Variants in CATSPERE observed in about 807,000 individuals in gnomAD.
CATSPERE encodes the protein catsper channel auxiliary subunit epsilon, also known as cation channel sperm-associated auxiliary subunit epsilon.
A neutral mutation model predicts 114.1 loss-of-function variants in CATSPERE; 93 were observed. The observed-to-expected ratio is 0.81, with a 90% CI of 0.69 to 0.97. CATSPERE has a LOEUF of 0.97. CATSPERE is among the 50% of genes least tolerant of loss of function. The probability of loss-of-function intolerance (pLI) is 0.00; values close to 1 mark genes in which losing one functional copy is unlikely to be tolerated. For missense variants in CATSPERE, 1,058 were observed against 1,131.6 expected, an observed-to-expected ratio of 0.93 and a Z score of 0.93; for synonymous variants, 341 against 384.1, an observed-to-expected ratio of 0.89 and a Z score of 1.31.
intron 11 of CATSPERE, among the ~76,000 whole-genome samples, chr1:244,576,746 C>T (rs967858713): frequency 6.6e-6 from 1 of 152,186 alleles, no homozygotes; most frequent in Admixed American, 6.5e-5. Flanking sequence ...CCCCACCTTC[C>T]ATTTCTAGGC....
chr1:244,556,757 TTTTC>T (rs768604929), intron 9 of CATSPERE, among the ~76,000 whole-genome samples: 36 of 152,326 alleles, frequency 2.4e-4, no homozygotes, highest in African/African-American at 3.8e-4. Context: ...TCTTTTTTCC[TTTTC>T]TTTCTCTTTT....
At chr1:244,532,672 A>T (rs1407711422) in intron 8 of CATSPERE, among the ~76,000 whole-genome samples, 1 of 147,492 alleles carries the variant, frequency 6.8e-6, no homozygotes, top group African/African-American at 2.7e-5. Context: ...ATAGTTATCA[A>T]AATTCCTCTT....
intron 11 of CATSPERE, among the ~76,000 whole-genome samples, chr1:244,577,209 C>CA (rs997055341): frequency 1.6e-4 from 25 of 151,544 alleles, no homozygotes; most frequent in Admixed American, 1.3e-4. Context: ...CAAAATTTTC[C>CA]AAAAAAGTCA....
At chr1:244,604,533 T>C (rs1243063975) in intron 17 of CATSPERE, among the ~76,000 whole-genome samples, 4 of 152,194 alleles carry the variant, frequency 2.6e-5, no homozygotes, top group Non-Finnish European at 5.9e-5. Flanking sequence ...TGTTATTTTG[T>C]CTGATAGACA....
intron 7 of CATSPERE, among the ~76,000 whole-genome samples, chr1:244,501,614 A>T (rs1325700487): frequency 6.6e-6 from 1 of 152,248 alleles, no homozygotes; most frequent in Non-Finnish European, 1.5e-5. Context: ...TTTAGAGGGA[A>T]TAAAATAAAT....
chr1:244,537,999 A>C (rs979770679), intron 8 of CATSPERE, among the ~76,000 whole-genome samples: 5 of 152,290 alleles, frequency 3.3e-5, no homozygotes, highest in Admixed American at 6.5e-5. Context: ...CTTCTATGTT[A>C]AGACATATAT....
chr1:244,557,683 T>C (rs1367041372), intron 9 of CATSPERE, among the ~76,000 whole-genome samples: 2 of 149,168 alleles, frequency 1.3e-5, no homozygotes, highest in South Asian at 2.1e-4. Flanking sequence ...TGAGGTTCAA[T>C]TGAGTTTCTT....
chr1:244,639,793 G>A, intron 21 of CATSPERE, 135 bp from the exon 22 acceptor site: 1 of 749,296 alleles, frequency 1.3e-6, no homozygotes, highest in East Asian at 2.7e-5. Flanking sequence ...CTGTGAGGGT[G>A]GACAGTGTGT....
chr1:244,461,451 G>GTGC lies in CATSPERE; in HGVS notation c.31_33dup (p.Leu11dup). On this transcript the variant is annotated inframe_insertion, in exon 1 of 22. Transcript: ENST00000366534. ...CGCCATGTCAGCCCGGGAAGTGGCC[G>GTGC]TGCTGCTGCTGTGGCTGAGCTGCTA... 1 of 1,384,498 alleles carries GTGC rather than the reference G, an allele frequency of 7.2e-7. No homozygotes were observed. Among genetic ancestry groups the GTGC allele is most frequent in the South Asian group, 1.8e-5 (1 of 55,472 alleles). 85.8% of individuals were successfully genotyped at this position (1,384,498 alleles called of 1,614,324 possible). A position where few individuals can be genotyped will look rare whatever the true frequency, so the allele number is the denominator to read the frequency against.
At chr1:244,546,970 C>T (rs192990024) in intron 8 of CATSPERE, among the ~76,000 whole-genome samples, 5 of 151,972 alleles carry the variant, frequency 3.3e-5, no homozygotes, top group East Asian at 1.9e-4. Context: ...TATCCAGGTA[C>T]ATAAAGATTA....
chr1:244,621,057 T>C (rs1573043400), intron 20 of CATSPERE, among the ~76,000 whole-genome samples: 2 of 16,520 alleles, frequency 1.2e-4, no homozygotes, highest in Non-Finnish European at 3.2e-4. Context: ...TATAAATATA[T>C]ATAAATATAT....
intron 9 of CATSPERE, among the ~76,000 whole-genome samples, chr1:244,560,088 G>A (rs1032659961): frequency 6.6e-6 from 1 of 152,034 alleles, no homozygotes; most frequent in Admixed American, 6.6e-5. Flanking sequence ...GAACTCCTGG[G>A]CTCAAGTGAT....
At chr1:244,537,553 T>G (rs998402362) in intron 8 of CATSPERE, among the ~76,000 whole-genome samples, 4 of 152,208 alleles carry the variant, frequency 2.6e-5, no homozygotes, top group African/African-American at 9.6e-5. Flanking sequence ...GAATTAGCAT[T>G]ATTTGTTCCT....
At chr1:244,584,307 C>T (rs1238846900) in intron 13 of CATSPERE, among the ~76,000 whole-genome samples, 1 of 151,900 alleles carries the variant, frequency 6.6e-6, no homozygotes, top group African/African-American at 2.4e-5. Flanking sequence ...AATTTTGCAA[C>T]ATTTTATTAT....
chr1:244,506,135 A>G (rs1207143877), intron 7 of CATSPERE, among the ~76,000 whole-genome samples: 7 of 152,250 alleles, frequency 4.6e-5, no homozygotes, highest in African/African-American at 1.7e-4. Flanking sequence ...ATGGAATCAT[A>G]CAATATTTTT....
chr1:244,518,724 T>C (rs1488365887), intron 8 of CATSPERE, 26 bp downstream of exon 8: 2 of 1,195,336 alleles, frequency 1.7e-6, no homozygotes, highest in South Asian at 2.9e-5. Context: ...TAATTTTAAA[T>C]ATAGAAATAT....
intron 7 of CATSPERE, among the ~76,000 whole-genome samples, chr1:244,507,568 C>T (rs376576045): frequency 7.9e-5 from 12 of 152,272 alleles, no homozygotes; most frequent in Admixed American, 6.5e-5. Flanking sequence ...CCCAGACCAA[C>T]GTCCTAAAGC....
At chr1:244,556,633 A>G (rs909866386) in intron 9 of CATSPERE, among the ~76,000 whole-genome samples, 4 of 152,256 alleles carry the variant, frequency 2.6e-5, no homozygotes, top group African/African-American at 9.6e-5. Flanking sequence ...GACCAATGTC[A>G]AGGTGGTTTA....
At chr1:244,507,342 A>C (rs1355880382) in intron 7 of CATSPERE, among the ~76,000 whole-genome samples, 1 of 152,168 alleles carries the variant, frequency 6.6e-6, no homozygotes, top group African/African-American at 2.4e-5. Context: ...ACTGTTTTCC[A>C]TAGGAGTTGT....
Sources: gnomAD v4.1 joint callset for allele counts (sites outside exome capture counted in the v4.1 genomes callset) on GRCh38, gnomAD v4.1.1 for gene constraint, MANE v1.5 for transcripts, NCBI Gene and HGNC (gene_info 2026-07-23, HGNC 2026-07-21) for gene names.